The following ETV1 variants were observed in gnomAD, a reference collection of about 807,000 sequenced individuals.
ETV1 encodes the protein ETS translocation variant 1.
ETV1 carries 27 observed loss-of-function variants against 62.3 expected under a neutral mutation model. The ratio of observed to expected loss-of-function variants is 0.43; its 90% CI spans 0.32 to 0.60. The LOEUF (loss-of-function observed/expected upper bound fraction) is 0.60. Among genes scored for constraint, ETV1 ranks in the 20% least tolerant of loss-of-function variants. The pLI is 0.06. For synonymous variants in ETV1, 222 were observed against 199.6 expected, an observed-to-expected ratio of 1.11 and a Z score of -0.94; for missense variants, 605 against 605.8, an observed-to-expected ratio of 1.00 and a Z score of 0.01.
intron 6 of ETV1, among the ~76,000 whole-genome samples, chr7:13,943,079 T>C (rs1371917891): frequency 1.3e-5 from 2 of 152,164 alleles, no homozygotes; most frequent in African/African-American, 2.4e-5. Context: ...TAGAAAGATC[T>C]GATGAAGAAC....
At chr7:13,986,612 C>T (rs1459092786) in intron 5 of ETV1, 26 bp downstream of exon 5, 4 of 1,610,206 alleles carry the variant, frequency 2.5e-6, no homozygotes, top group East Asian at 4.5e-5. Flanking sequence ...TTGCTTTCCC[C>T]CCTTTTAAAG....
intron 5 of ETV1, chr7:13,985,453 C>T (rs773117014): frequency 2.0e-5 from 3 of 152,046 alleles, no homozygotes; most frequent in Non-Finnish European, 4.4e-5. Flanking sequence ...CTTTGGAGAA[C>T]TAGACTATCA....
intron 5 of ETV1, among the ~76,000 whole-genome samples, chr7:13,979,237 C>T (rs73278753): frequency 0.018 from 2,755 of 152,082 alleles, 97 homozygotes; most frequent in African/African-American, 0.063. Context: ...ACAGTCTAAA[C>T]GCAATGCCAG....
chr7:13,923,771 A>T (rs2128439785), intron 9 of ETV1, among the ~76,000 whole-genome samples: 1 of 152,190 alleles, frequency 6.6e-6, no homozygotes, highest in African/African-American at 2.4e-5. Context: ...AGTGGCTCAC[A>T]CCTGTTATCC....
intron 5 of ETV1, among the ~76,000 whole-genome samples, chr7:13,979,500 AG>A (rs5882425): frequency 0.028 from 4,241 of 152,198 alleles, 132 homozygotes; most frequent in East Asian, 0.16. Context: ...TACAAGGCGA[AG>A]GGTGTGCTTT....
At chr7:13,964,011 T>C (rs1790483715) in intron 6 of ETV1, among the ~76,000 whole-genome samples, 1 of 152,202 alleles carries the variant, frequency 6.6e-6, no homozygotes, top group African/African-American at 2.4e-5. Flanking sequence ...AGATTTCAGA[T>C]GGCAAAAACA....
chr7:13,896,512 A>G (rs773926390), intron 13 of ETV1, among the ~76,000 whole-genome samples: 1 of 152,128 alleles, frequency 6.6e-6, no homozygotes, highest in Non-Finnish European at 1.5e-5. Context: ...TTAATATTAC[A>G]TATCTGAAAT....
intron 3 of ETV1, 61 bp from the exon 4 acceptor site, chr7:13,988,234 A>AAG: frequency 1.1e-6 from 1 of 872,986 alleles, no homozygotes; most frequent in South Asian, 1.3e-5. Context: ...ACACACGCAC[A>AAG]CGCGCGCGCA....
At chr7:13,975,585 G>T (rs201070353) in intron 6 of ETV1, among the ~76,000 whole-genome samples, 1 of 89,814 alleles carries the variant, frequency 1.1e-5, no homozygotes, top group South Asian at 3.4e-4. Flanking sequence ...AAAAAGAAAA[G>T]AAAAGAAAAA....
intron 13 of ETV1, among the ~76,000 whole-genome samples, chr7:13,898,148 G>A (rs1782034546): frequency 6.6e-6 from 1 of 152,142 alleles, no homozygotes; most frequent in African/African-American, 2.4e-5. Context: ...AACCAACCAA[G>A]GGGAATGATG....
chr7:13,986,475 C>T (rs1188572070), intron 5 of ETV1, 163 bp downstream of exon 5: 1 of 1,505,998 alleles, frequency 6.6e-7, no homozygotes, highest in Non-Finnish European at 8.8e-7. Context: ...CCCAGAGTCC[C>T]CAAAGACAAA....
chr7:13,919,565 T>TAC (rs35735011), intron 9 of ETV1, among the ~76,000 whole-genome samples: 9,538 of 135,362 alleles, frequency 0.07, 324 homozygotes, highest in Admixed American at 0.085. Flanking sequence ...ATAGAAACCA[T>TAC]ACACACACAC....
At chr7:13,900,712 A>G (rs758026764) in intron 13 of ETV1, 26 bp downstream of exon 13, 2 of 1,458,136 alleles carry the variant, frequency 1.4e-6, no homozygotes, top group Non-Finnish European at 1.9e-6. Context: ...ATTTCAATGA[A>G]TTTTAATGCT....
chr7:13,978,217 C>G (rs1245322492), intron 5 of ETV1, among the ~76,000 whole-genome samples: 2 of 152,096 alleles, frequency 1.3e-5, no homozygotes, highest in Non-Finnish European at 2.9e-5. Flanking sequence ...AAAGACGTTC[C>G]TATTTTTAGT....
chr7:13,921,678 A>C (rs1273739170), intron 9 of ETV1, among the ~76,000 whole-genome samples: 1 of 152,216 alleles, frequency 6.6e-6, no homozygotes. Context: ...ACAAATATTC[A>C]ACCTCCAATT....
intron 6 of ETV1, among the ~76,000 whole-genome samples, chr7:13,966,016 G>C (rs1212955053): frequency 6.6e-6 from 1 of 152,010 alleles, no homozygotes; most frequent in African/African-American, 2.4e-5. Flanking sequence ...AATGAAAATA[G>C]GATTAAAATT....
chr7:13,936,903 G>A (rs1056443144), intron 7 of ETV1, among the ~76,000 whole-genome samples: 6 of 152,122 alleles, frequency 3.9e-5, no homozygotes, highest in East Asian at 1.9e-4. Flanking sequence ...TTAGCTGGGC[G>A]TGGTGATGCA....
intron 10 of ETV1, among the ~76,000 whole-genome samples, chr7:13,910,183 C>G (rs992577914): frequency 6.7e-6 from 1 of 149,334 alleles, no homozygotes; most frequent in East Asian, 2.0e-4. Context: ...ATGGGTTAAC[C>G]TTCCTGTACT....
chr7:13,913,149 G>C (rs1783723542), intron 9 of ETV1, among the ~76,000 whole-genome samples: 1 of 152,240 alleles, frequency 6.6e-6, no homozygotes, highest in Non-Finnish European at 1.5e-5. Context: ...TTTTGTGGCA[G>C]AGGAAGGAGG....
Sources: allele counts gnomAD v4.1 joint callset (sites outside exome capture counted in the v4.1 genomes callset), GRCh38; gene constraint gnomAD v4.1.1; transcripts MANE v1.5; gene names NCBI Gene and HGNC (gene_info 2026-07-23, HGNC 2026-07-21).